Variants in SLCO1A2 observed in about 807,000 individuals in gnomAD.
The protein encoded by SLCO1A2 is solute carrier organic anion transporter family member 1A2, also known as OATP-1.
A neutral mutation model predicts 69.0 loss-of-function variants in SLCO1A2; 67 were observed. The ratio of observed to expected loss-of-function variants is 0.97; its 90% CI spans 0.80 to 1.19. The LOEUF (loss-of-function observed/expected upper bound fraction) is 1.19. Among genes scored for constraint, SLCO1A2 ranks in the 50% most tolerant of loss-of-function variants. The pLI, the probability that SLCO1A2 is intolerant of heterozygous loss-of-function variation, is 0.00. For missense variants in SLCO1A2, 787 were observed against 793.7 expected (o/e 0.99, Z 0.10); for synonymous variants, 260 against 265.9 (o/e 0.98, Z 0.22).
chr12:21,368,012 TA>T (rs1406944566), intron 2 of SLCO1A2, among the ~76,000 whole-genome samples: 2 of 152,026 alleles, frequency 1.3e-5, no homozygotes, highest in East Asian at 3.8e-4. Context: ...CAACCCCTAA[TA>T]AAAAGGATTT....
chr12:21,318,692 C>A, intron 3 of SLCO1A2, 90 bp downstream of exon 3: 1 of 1,169,620 alleles, frequency 8.5e-7, no homozygotes, highest in African/African-American at 1.6e-5. Context: ...ATTAAATGAC[C>A]TAAAACAGCA....
intron 2 of SLCO1A2, among the ~76,000 whole-genome samples, chr12:21,364,117 T>A (rs1393791212): frequency 1.3e-5 from 2 of 151,968 alleles, no homozygotes; most frequent in South Asian, 2.1e-4. Context: ...TAGACCAATA[T>A]CCCTGATGAA....
At chr12:21,325,740 T>C (rs1165983610) in intron 2 of SLCO1A2, among the ~76,000 whole-genome samples, 1 of 152,218 alleles carries the variant, frequency 6.6e-6, no homozygotes, top group African/African-American at 2.4e-5. Context: ...ATTTATTTCA[T>C]TTCTTATAAA....
chr12:21,401,365 C>A, intron 1 of SLCO1A2, among the ~76,000 whole-genome samples: 1 of 151,508 alleles, frequency 6.6e-6, no homozygotes, highest in South Asian at 2.1e-4. Context: ...CAATAACAAT[C>A]GAACAATAAA....
At chr12:21,343,541 T>C in intron 2 of SLCO1A2, among the ~76,000 whole-genome samples, 1 of 152,108 alleles carries the variant, frequency 6.6e-6, no homozygotes, top group East Asian at 1.9e-4. Flanking sequence ...TCTTAGTAGG[T>C]AGTTGTCTTC....
At chr12:21,396,449 C>G (rs1352247918), upstream of SLCO1A2, among the ~76,000 whole-genome samples, 1 of 149,288 alleles carries the variant, frequency 6.7e-6, no homozygotes, top group East Asian at 2.0e-4. Context: ...AAACACTCTG[C>G]AGGATATTAT....
chr12:21,383,836 G>A (rs1455477992), intron 1 of SLCO1A2, among the ~76,000 whole-genome samples: 1 of 152,124 alleles, frequency 6.6e-6, no homozygotes, highest in Non-Finnish European at 1.5e-5. Flanking sequence ...AAGGATGTAT[G>A]AGTCATCTCT....
intron 2 of SLCO1A2, among the ~76,000 whole-genome samples, chr12:21,346,623 C>A (rs1953260988): frequency 6.6e-6 from 1 of 152,002 alleles, no homozygotes; most frequent in Non-Finnish European, 1.5e-5. Context: ...ATGATAAGTA[C>A]CAAGTTACAG....
At chr12:21,419,630 A>G (rs1270344856), upstream of SLCO1A2, 89 of 166,702 alleles carry the variant, frequency 5.3e-4, no homozygotes, top group Middle Eastern at 2.6e-3. Flanking sequence ...CAAGGCGGCA[A>G]TGAGGCTGGG....
At chr12:21,272,680 A>G (rs1591769767) in intron 14 of SLCO1A2, among the ~76,000 whole-genome samples, 2 of 152,218 alleles carry the variant, frequency 1.3e-5, no homozygotes, top group South Asian at 2.1e-4. Context: ...TATCTCTTAC[A>G]AACAACATTT....
In SLCO1A2 at chr12:21,318,916, A is replaced by G; in HGVS notation, c.68T>C (p.Leu23Pro). 2 of 1,579,130 alleles carry G rather than the reference A, an allele frequency of 1.3e-6. No homozygotes were observed. Among genetic ancestry groups the G allele is most frequent in the South Asian group, 1.2e-5 (1 of 84,172 alleles). ...TACAAATGCACATGTTATTGCCAAC[A>G]GAAACATCTAGGAAAAAAATATAAG... Reference protein sequence around the residue: ...IRCLSKLKMFLLAITCAFVSK... With the variant: ...IRCLSKLKMFPLAITCAFVSK... The change falls in exon 3 of 15, where the codon CTG (leucine) becomes CCG (proline). Residue 23 changes from leucine (L) to proline (P), a missense_variant. By Grantham distance (98) the Leu-to-Pro change is moderately conservative. Coordinates refer to ENST00000683939, the MANE Select transcript of SLCO1A2 (RefSeq NM_001386879.1).
chr12:21,413,310 T>C (rs1245001716), intron 1 of SLCO1A2, among the ~76,000 whole-genome samples: 1 of 148,952 alleles, frequency 6.7e-6, no homozygotes, highest in Non-Finnish European at 1.5e-5. Context: ...ACATTCTCTG[T>C]TCACTGCAAC....
chr12:21,418,596 A>C (rs1244093703), upstream of SLCO1A2, among the ~76,000 whole-genome samples: 1 of 152,180 alleles, frequency 6.6e-6, no homozygotes, highest in African/African-American at 2.4e-5. Flanking sequence ...AACCCCTTAT[A>C]AAACCATCAG....
rs1276830378 is a variant in SLCO1A2 at position 21,266,153 on chromosome 12, CTCTGGTTACATAACAT to C, written c.*3379_*3394del. 2.6e-5 allele frequency: 4 copies of C among 152,144 alleles called. No individual in the cohort carries two copies. The highest frequency in any genetic ancestry group is 2.9e-5 in the Non-Finnish European group (2 of 68,028). 9.4% of individuals were successfully genotyped at this position (152,144 alleles called of 1,614,324 possible). Reference sequence around the variant, plus strand: ...AATCAGCCAGTATCTGATCTAACAGCTCTGGTTACATAACATTCTGGTTACATAACATTTCAAGCTT... The same window carrying C: ...AATCAGCCAGTATCTGATCTAACAGCTCTGGTTACATAACATTTCAAGCTT... On this transcript the variant is annotated 3_prime_UTR_variant, in exon 15 of 15. Transcript: ENST00000683939.
chr12:21,280,558 A>G, intron 12 of SLCO1A2, among the ~76,000 whole-genome samples: 1 of 152,086 alleles, frequency 6.6e-6, no homozygotes, highest in East Asian at 1.9e-4. Flanking sequence ...TTCACCCAAC[A>G]TTGAAGCACC....
chr12:21,293,583 G>GTA (rs1401461200), intron 11 of SLCO1A2, among the ~76,000 whole-genome samples: 101 of 149,788 alleles, frequency 6.7e-4, no homozygotes, highest in African/African-American at 2.2e-3. Context: ...ATATATGTGT[G>GTA]TATATATATA....
At chr12:21,347,697 GAAGAAGGAAAA>G (rs1953317447) in intron 2 of SLCO1A2, among the ~76,000 whole-genome samples, 2 of 117,780 alleles carry the variant, frequency 1.7e-5, no homozygotes, top group Non-Finnish European at 3.6e-5. Flanking sequence ...AGGAAGGAAG[GAAGAAGGAAAA>G]AAGGAAGGAA....
chr12:21,347,254 G>T (rs1270927357), intron 2 of SLCO1A2, among the ~76,000 whole-genome samples: 1 of 152,146 alleles, frequency 6.6e-6, no homozygotes, highest in Non-Finnish European at 1.5e-5. Flanking sequence ...CTATTTATAA[G>T]CCTTTCTAAA....
chr12:21,330,830 T>G (rs11045980), intron 2 of SLCO1A2, among the ~76,000 whole-genome samples: 48,028 of 151,988 alleles, frequency 0.32, 7,729 homozygotes, highest in East Asian at 0.35. Context: ...CTGAATCACA[T>G]AACATTTTAA....
Sources: gnomAD v4.1 joint callset for allele counts (sites outside exome capture counted in the v4.1 genomes callset) on GRCh38, gnomAD v4.1.1 for gene constraint, MANE v1.5 for transcripts, NCBI Gene and HGNC (gene_info 2026-07-23, HGNC 2026-07-21) for gene names.